The following LRFN5 variants were observed in gnomAD, a reference collection of about 807,000 sequenced individuals.
LRFN5 encodes leucine-rich repeat and fibronectin type-III domain-containing protein 5.
LRFN5 carries 24 observed loss-of-function variants against 45.6 expected under a neutral mutation model. The observed-to-expected ratio is 0.53, with a 90% confidence interval of 0.38 to 0.74. LRFN5 has a LOEUF of 0.74. LRFN5 is among the 30% of genes least tolerant of loss of function. LRFN5 has a pLI of 0.00. For missense variants in LRFN5, 776 were observed against 861.5 expected, an observed-to-expected ratio of 0.90 and a Z score of 1.24; for synonymous variants, 340 against 313.8, an observed-to-expected ratio of 1.08 and a Z score of -0.88.
intron 1 of LRFN5, among the ~76,000 whole-genome samples, chr14:41,712,812 A>T (rs773617257): frequency 2.6e-5 from 4 of 152,002 alleles, no homozygotes; most frequent in Non-Finnish European, 2.9e-5. Context: ...TAGATTTAAA[A>T]TTTTTTTCTC....
In LRFN5 at chr14:41,875,550, A is replaced by G. The variant is rs528687687; in HGVS notation, c.-20-11056A>G. ...ACTCAAGCTATACCAATTAAAGAAT[A>G]CTGAGATTTCTTTACATACAGAAAT... On this transcript the variant is annotated intron_variant, in intron 2 of 5. Coordinates refer to ENST00000298119, the MANE Select transcript of LRFN5 (RefSeq NM_152447.5). Among the ~76,000 whole-genome samples, 71 of 152,364 alleles carry G rather than the reference A, an allele frequency of 4.7e-4. 1 individual carries two copies. The highest frequency in any genetic ancestry group is 1.2e-3 in the African/African-American group (48 of 41,584).
intron 2 of LRFN5, among the ~76,000 whole-genome samples, chr14:41,869,503 C>T (rs376529403): frequency 7.9e-5 from 12 of 151,362 alleles, no homozygotes; most frequent in South Asian, 2.1e-4. Context: ...TCTAGCCTGG[C>T]GTTGTTGAAA....
chr14:41,739,715 G>T (rs1884607874), intron 1 of LRFN5, among the ~76,000 whole-genome samples: 1 of 150,990 alleles, frequency 6.6e-6, no homozygotes, highest in Non-Finnish European at 1.5e-5. Context: ...ACAAAGATCG[G>T]AGCAGAAATA....
intron 3 of LRFN5, among the ~76,000 whole-genome samples, chr14:41,889,110 G>GTCTC (rs5808162): frequency 0.69 from 100,920 of 147,298 alleles, 34,567 homozygotes; most frequent in Middle Eastern, 0.78. Flanking sequence ...ATATATATAT[G>GTCTC]TCTCTATATA....
At chr14:41,881,368 TC>T (rs1435636103) in intron 2 of LRFN5, among the ~76,000 whole-genome samples, 1 of 151,914 alleles carries the variant, frequency 6.6e-6, no homozygotes, top group East Asian at 1.9e-4. Flanking sequence ...TATTTCATTT[TC>T]TTTTGACCTT....
chr14:41,708,110 T>C (rs932014076), intron 1 of LRFN5, among the ~76,000 whole-genome samples: 2 of 152,066 alleles, frequency 1.3e-5, no homozygotes, highest in African/African-American at 4.8e-5. Context: ...TACAGTAAAG[T>C]ATTTCATATT....
At chr14:41,857,797 G>C (rs1212275258) in intron 2 of LRFN5, among the ~76,000 whole-genome samples, 1 of 152,160 alleles carries the variant, frequency 6.6e-6, no homozygotes, top group Non-Finnish European at 1.5e-5. Context: ...AGCAATTTAT[G>C]CTCAGCAAAA....
intron 1 of LRFN5, among the ~76,000 whole-genome samples, chr14:41,708,716 T>TC (rs1883164125): frequency 1.1e-5 from 1 of 95,234 alleles, no homozygotes; most frequent in Admixed American, 1.0e-4. Context: ...TTTGCTGAAT[T>TC]CCTTTTTTTT....
At chr14:41,682,393 A>T (rs550705934) in intron 1 of LRFN5, among the ~76,000 whole-genome samples, 1 of 152,080 alleles carries the variant, frequency 6.6e-6, no homozygotes, top group South Asian at 2.1e-4. Context: ...CTGTTTACTT[A>T]TTAGTTAATT....
At chr14:41,642,082 T>C (rs1879604033) in intron 1 of LRFN5, among the ~76,000 whole-genome samples, 1 of 152,184 alleles carries the variant, frequency 6.6e-6, no homozygotes, top group Non-Finnish European at 1.5e-5. Context: ...GAAAAACACA[T>C]GTAAGACCTT....
intron 2 of LRFN5, among the ~76,000 whole-genome samples, chr14:41,882,101 C>CT (rs1555329238): frequency 6.6e-6 from 1 of 152,092 alleles, no homozygotes; most frequent in Non-Finnish European, 1.5e-5. Flanking sequence ...TTTTGGAGCT[C>CT]TATTTCTATT....
At chr14:41,675,630 G>T (rs1198086040) in intron 1 of LRFN5, among the ~76,000 whole-genome samples, 3 of 152,082 alleles carry the variant, frequency 2.0e-5, no homozygotes, top group Non-Finnish European at 4.4e-5. Flanking sequence ...GGAGAGGGGA[G>T]AGGGGAGAGG....
intron 2 of LRFN5, among the ~76,000 whole-genome samples, chr14:41,814,529 A>G (rs1195143346): frequency 2.0e-5 from 3 of 152,176 alleles, no homozygotes; most frequent in Non-Finnish European, 4.4e-5. Context: ...TTCTTAAATC[A>G]TATTCTGTAG....
chr14:41,771,261 T>C (rs1886077353), intron 2 of LRFN5, among the ~76,000 whole-genome samples: 1 of 151,142 alleles, frequency 6.6e-6, no homozygotes, highest in African/African-American at 2.4e-5. Flanking sequence ...AGGCCCAGTC[T>C]TGAAGATCTC....
At chr14:41,847,420 A>T (rs1316802141) in intron 2 of LRFN5, among the ~76,000 whole-genome samples, 4 of 152,140 alleles carry the variant, frequency 2.6e-5, no homozygotes, top group Non-Finnish European at 5.9e-5. Flanking sequence ...ATTTTTCAAA[A>T]ATATCCTGAA....
chr14:41,888,064 T>A, intron 3 of LRFN5, 54 bp downstream of exon 3: 1 of 1,393,050 alleles, frequency 7.2e-7, no homozygotes, highest in Non-Finnish European at 9.8e-7. Flanking sequence ...GTGTAGAATT[T>A]GTTAATGTAC....
chr14:41,639,788 G>A (rs1879481806), intron 1 of LRFN5, among the ~76,000 whole-genome samples: 2 of 151,614 alleles, frequency 1.3e-5, no homozygotes, highest in South Asian at 2.1e-4. Context: ...ACTAGTTAAT[G>A]TATTTATTTA....
At chr14:41,862,423 C>CT (rs747495895) in intron 2 of LRFN5, among the ~76,000 whole-genome samples, 31 of 151,978 alleles carry the variant, frequency 2.0e-4, no homozygotes, top group Non-Finnish European at 3.8e-4. Flanking sequence ...TTAATTTTTT[C>CT]TTTTATATTG....
intron 4 of LRFN5, chr14:41,894,332 T>A (rs1280056158): frequency 5.6e-6 from 5 of 897,080 alleles, no homozygotes; most frequent in African/African-American, 1.8e-5. Flanking sequence ...TCATTTCTCA[T>A]AGACATTTAA....
Sources: allele counts gnomAD v4.1 joint callset (sites outside exome capture counted in the v4.1 genomes callset), GRCh38; gene constraint gnomAD v4.1.1; transcripts MANE v1.5; gene names NCBI Gene and HGNC (gene_info 2026-07-23, HGNC 2026-07-21).